The following TTC39B variants were observed in gnomAD, a reference collection of about 807,000 sequenced individuals.
TTC39B encodes tetratricopeptide repeat domain 39B.
In TTC39B, 92 loss-of-function variants were observed where a neutral mutation model predicts 96.6. The ratio of observed to expected loss-of-function variants is 0.95; its 90% CI spans 0.80 to 1.13. TTC39B has a LOEUF of 1.13. TTC39B is among the 50% of genes most tolerant of loss of function. The pLI is 0.00. For missense variants in TTC39B, 955 were observed against 809.3 expected, an observed-to-expected ratio of 1.18 and a Z score of -2.18; for synonymous variants, 367 against 299.4, an observed-to-expected ratio of 1.23 and a Z score of -2.33.
At chr9:15,234,434 C>T (rs550276923) in intron 2 of TTC39B, among the ~76,000 whole-genome samples, 3,244 of 150,652 alleles carry the variant, frequency 0.022, 60 homozygotes, top group Non-Finnish European at 0.031. Context: ...CCCGGCCAGC[C>T]GCCCCGTCTG....
chr9:15,301,570 C>T (rs34905481), intron 1 of TTC39B, among the ~76,000 whole-genome samples: 20,632 of 152,054 alleles, frequency 0.14, 2,648 homozygotes, highest in African/African-American at 0.34. Context: ...GCCTGACCAA[C>T]ATGGAGAAAC....
At chr9:15,242,242 C>T (rs1822076633) in intron 2 of TTC39B, among the ~76,000 whole-genome samples, 2 of 152,156 alleles carry the variant, frequency 1.3e-5, no homozygotes, top group African/African-American at 2.4e-5. Context: ...CCAGTCACAC[C>T]TGGCCTATCT....
At chr9:15,249,892 C>A (rs1347720842) in intron 2 of TTC39B, 2 of 1,241,560 alleles carry the variant, frequency 1.6e-6, no homozygotes, top group Admixed American at 5.8e-5. Flanking sequence ...AACCCAGGAA[C>A]TGCTAAATAA....
chr9:15,295,759 C>G (rs1024622912), intron 1 of TTC39B, among the ~76,000 whole-genome samples: 9 of 152,122 alleles, frequency 5.9e-5, no homozygotes, highest in Non-Finnish European at 1.5e-5. Context: ...ATCACATGTT[C>G]AAAGTCAGAG....
chr9:15,187,208 T>C (rs1818577897), intron 14 of TTC39B, among the ~76,000 whole-genome samples, 173 bp from the exon 15 acceptor site: 1 of 152,204 alleles, frequency 6.6e-6, no homozygotes, highest in Non-Finnish European at 1.5e-5. Context: ...TCTTTTCAAT[T>C]ACCCATAATT....
rs150113923 is a variant in TTC39B at position 15,186,173 on chromosome 9, G to T, written c.1488-767C>A. On this transcript the variant is annotated intron_variant, in intron 15 of 19. Transcript: ENST00000512701. ...ACATCACTGAAAGAAAAAATAACAT[G>T]AAATAATATGCCTCCAATATGAGTC... is the stretch of plus-strand genomic sequence containing the variant. Among the ~76,000 whole-genome samples, 458 of 152,232 alleles carry T rather than the reference G, an allele frequency of 3.0e-3. 2 individuals carry two copies. Among genetic ancestry groups the T allele is most frequent in the African/African-American group, 0.01 (428 of 41,546 alleles).
chr9:15,203,857 C>T, exon 7 of TTC39B: 1 of 1,613,386 alleles, frequency 6.2e-7, no homozygotes. Flanking sequence ...CTGTAGGAGA[C>T]ACTCGGCATA....
chr9:15,183,347 T>A (rs899129155), intron 16 of TTC39B: 3 of 435,550 alleles, frequency 6.9e-6, no homozygotes, highest in Non-Finnish European at 1.4e-5. Context: ...GAATCTTTTT[T>A]AAATTGATGA....
chr9:15,217,366 A>C (rs944573525), intron 3 of TTC39B, among the ~76,000 whole-genome samples: 1 of 152,164 alleles, frequency 6.6e-6, no homozygotes, highest in African/African-American at 2.4e-5. Context: ...TCTGCATCTC[A>C]GCTGGCCACA....
chr9:15,279,772 C>T (rs1823684419), intron 1 of TTC39B, among the ~76,000 whole-genome samples: 1 of 152,006 alleles, frequency 6.6e-6, no homozygotes, highest in African/African-American at 2.4e-5. Context: ...CTGTGGCTGA[C>T]ATGTCCTGAT....
At chr9:15,242,533 T>A (rs1822091940) in intron 2 of TTC39B, among the ~76,000 whole-genome samples, 1 of 151,958 alleles carries the variant, frequency 6.6e-6, no homozygotes, top group Non-Finnish European at 1.5e-5. Flanking sequence ...CAGTGAGCTG[T>A]GATCATGTCA....
In TTC39B at chr9:15,190,105, TCATATATG is replaced by T. The variant is rs547550979; in HGVS notation, c.1106-321_1106-314del. ...TTCATTTTCTGCAAAGAAAAAAATCTCATATATGATAAAATAGATCACCTTAATATAGA... is the reference window on the plus strand; with the variant it reads ...TTCATTTTCTGCAAAGAAAAAAATCTATAAAATAGATCACCTTAATATAGA... On this transcript the variant is annotated intron_variant, in intron 11 of 19. Coordinates refer to ENST00000512701, the Ensembl canonical transcript of TTC39B. 3.1e-3 allele frequency among the ~76,000 whole-genome samples: 477 copies of T among 152,280 alleles called. 1 individual carries two copies. Among genetic ancestry groups the T allele is most frequent in the African/African-American group, 0.011 (449 of 41,568 alleles).
At position 15,283,963 on chromosome 9, in the gene TTC39B, G is replaced by T. The variant is rs1823863667; in HGVS notation, c.241-16015C>A. On this transcript the variant is annotated intron_variant, in intron 1 of 19. Transcript: ENST00000512701. ...CAAAGACCAGAAGCCTTAAAGAAAA[G>T]AGTAAAAGATTTTGCTACATAAAAA... 3.3e-5 allele frequency among the ~76,000 whole-genome samples: 5 copies of T among 151,804 alleles called. No individual in the cohort carries two copies. In the South Asian group the frequency reaches 1.0e-3, roughly 31 times the overall value.
At chr9:15,182,644 C>T (rs1407107526) in intron 16 of TTC39B, among the ~76,000 whole-genome samples, 1 of 152,136 alleles carries the variant, frequency 6.6e-6, no homozygotes, top group Admixed American at 6.5e-5. Context: ...TAAATATCTA[C>T]AAGCATTTAA....
chr9:15,270,641 C>T (rs577301930), intron 1 of TTC39B, among the ~76,000 whole-genome samples: 2 of 151,572 alleles, frequency 1.3e-5, no homozygotes, highest in South Asian at 2.1e-4. Context: ...AATATCAAGC[C>T]AGGTGGTGCA....
chr9:15,277,634 C>T (rs1823595934), intron 1 of TTC39B, among the ~76,000 whole-genome samples: 1 of 152,162 alleles, frequency 6.6e-6, no homozygotes, highest in African/African-American at 2.4e-5. Flanking sequence ...CACTCTATTT[C>T]TCAGGGCTCC....
chr9:15,203,408 G>T (rs1819656068), intron 7 of TTC39B, among the ~76,000 whole-genome samples: 1 of 149,800 alleles, frequency 6.7e-6, no homozygotes, highest in African/African-American at 2.5e-5. Flanking sequence ...CCGCCACCAT[G>T]CCTGGCTAAT....
intron 15 of TTC39B, 97 bp from the exon 16 acceptor site, chr9:15,185,503 C>T: frequency 6.5e-7 from 1 of 1,540,818 alleles, no homozygotes; most frequent in Non-Finnish European, 8.8e-7. Context: ...AGACCACCAG[C>T]AGCAGCAGCA....
intron 1 of TTC39B, among the ~76,000 whole-genome samples, chr9:15,269,782 G>C (rs1823271512): frequency 6.6e-6 from 1 of 151,740 alleles, no homozygotes; most frequent in African/African-American, 2.4e-5. Flanking sequence ...TTGAACCTGG[G>C]AGGCGGACGT....
Sources: allele counts gnomAD v4.1 joint callset (sites outside exome capture counted in the v4.1 genomes callset), GRCh38; gene constraint gnomAD v4.1.1; transcripts MANE v1.5; gene names NCBI Gene and HGNC (gene_info 2026-07-23, HGNC 2026-07-21).